SLC10A7: variants seen among roughly 807,000 people sequenced by gnomAD.
SLC10A7 encodes sodium/bile acid cotransporter 7.
In SLC10A7, 29 loss-of-function variants were observed where a neutral mutation model predicts 43.2. The ratio of observed to expected loss-of-function variants is 0.67; its 90% confidence interval spans 0.50 to 0.92. SLC10A7 has a LOEUF of 0.92. Ranked by LOEUF, SLC10A7 falls within the 40% of genes least tolerant of loss-of-function variation. The pLI is 0.00. For missense variants in SLC10A7, 295 were observed against 403.2 expected (o/e 0.73, Z 2.30); for synonymous variants, 152 against 144.8 (o/e 1.05, Z -0.35).
intron 4 of SLC10A7, among the ~76,000 whole-genome samples, chr4:146,485,893 A>T (rs1734870780): frequency 6.6e-6 from 1 of 152,182 alleles, no homozygotes; most frequent in Admixed American, 6.5e-5. Context: ...AAAGGAGGGA[A>T]AAGGCAGGAA....
At chr4:146,293,829 A>T in intron 8 of SLC10A7, 101 bp downstream of exon 8, 1 of 678,828 alleles carries the variant, frequency 1.5e-6, no homozygotes, top group Non-Finnish European at 2.3e-6. Flanking sequence ...ATTCATTTCT[A>T]GTCAAATTAA....
rs536928428 is a variant in SLC10A7 at position 146,361,435 on chromosome 4, G to T, written c.436-35439C>A. ...ATGTAGAAAGTGACCGACTTGCCTG[G>T]TAATCCAGGAAATTCTCCCTTATTT... is the stretch of plus-strand genomic sequence containing the variant. On this transcript the variant is annotated intron_variant, in intron 5 of 11. Coordinates refer to ENST00000335472, the MANE Select transcript of SLC10A7 (RefSeq NM_001029998.6). 2.7e-3 allele frequency among the ~76,000 whole-genome samples: 408 copies of T among 152,234 alleles called. 1 individual carries two copies. The highest frequency in any genetic ancestry group is 9.2e-3 in the African/African-American group (383 of 41,540).
At chr4:146,521,147 A>G (rs1738597042) in intron 1 of SLC10A7, among the ~76,000 whole-genome samples, 1 of 151,670 alleles carries the variant, frequency 6.6e-6, no homozygotes, top group Non-Finnish European at 1.5e-5. Context: ...TCACTCTCCA[A>G]CATGTGGGCC....
chr4:146,435,720 A>G (rs1730156799), intron 5 of SLC10A7, among the ~76,000 whole-genome samples: 1 of 152,172 alleles, frequency 6.6e-6, no homozygotes, highest in African/African-American at 2.4e-5. Context: ...AGCATCTCCT[A>G]CTAAAGACCA....
chr4:146,340,338 A>G (rs565336522), intron 5 of SLC10A7, among the ~76,000 whole-genome samples: 1 of 151,946 alleles, frequency 6.6e-6, no homozygotes, highest in Non-Finnish European at 1.5e-5. Context: ...TAAAAAGTTC[A>G]ACAACTAATA....
chr4:146,291,665 C>T (rs1730451815), intron 9 of SLC10A7, among the ~76,000 whole-genome samples: 2 of 152,122 alleles, frequency 1.3e-5, no homozygotes, highest in South Asian at 4.2e-4. Context: ...TCCACATTTG[C>T]ATTATTGCTT....
intron 4 of SLC10A7, among the ~76,000 whole-genome samples, chr4:146,477,587 A>T (rs947957316): frequency 1.3e-5 from 2 of 152,226 alleles, no homozygotes; most frequent in African/African-American, 4.8e-5. Context: ...TCATAAAAGC[A>T]AACAGGTAAA....
rs114724346 is a variant in SLC10A7, at chr4:146,294,378, C to T, written c.556-283G>A. Among the ~76,000 whole-genome samples the T allele has an allele frequency of 6.6e-3, 1,011 of 152,292 alleles. 11 individuals carry two copies. The highest frequency in any genetic ancestry group is 0.024 in the African/African-American group (980 of 41,560). On this transcript the variant is annotated intron_variant, in intron 7 of 11. Coordinates refer to ENST00000335472, the MANE Select transcript of SLC10A7 (RefSeq NM_001029998.6). Reference sequence around the variant, plus strand: ...TGCTCTTTGCTAGCTGTCACTGAGACATGCCCATTAAACCTCCCCAAAGTT... The same window carrying T: ...TGCTCTTTGCTAGCTGTCACTGAGATATGCCCATTAAACCTCCCCAAAGTT...
intron 4 of SLC10A7, among the ~76,000 whole-genome samples, chr4:146,450,712 G>A (rs531522167): frequency 3.3e-5 from 5 of 152,254 alleles, no homozygotes; most frequent in Middle Eastern, 3.4e-3. Flanking sequence ...AAAGGTGGGT[G>A]TAAGGACTGA....
intron 4 of SLC10A7, among the ~76,000 whole-genome samples, chr4:146,446,623 C>T (rs1003477425): frequency 7.3e-5 from 11 of 151,486 alleles, no homozygotes; most frequent in African/African-American, 2.7e-4. Flanking sequence ...ACATGCCTCT[C>T]TCCGCTGGTC....
intron 2 of SLC10A7, among the ~76,000 whole-genome samples, chr4:146,511,514 G>A (rs1427341789): frequency 6.6e-6 from 1 of 152,198 alleles, no homozygotes; most frequent in African/African-American, 2.4e-5. Context: ...TTAATCAACA[G>A]TACGTTAATG....
chr4:146,350,236 G>A (rs1734953614), intron 5 of SLC10A7, among the ~76,000 whole-genome samples: 1 of 151,266 alleles, frequency 6.6e-6, no homozygotes, highest in Non-Finnish European at 1.5e-5. Context: ...CAAGGGGTCA[G>A]GGAGTTCCCT....
At chr4:146,404,191 T>C (rs556339649) in intron 5 of SLC10A7, among the ~76,000 whole-genome samples, 1 of 152,258 alleles carries the variant, frequency 6.6e-6, no homozygotes, top group East Asian at 1.9e-4. Context: ...ATTTTGTTTT[T>C]AATTTTTTTG....
chr4:146,395,630 A>G (rs1412560863), intron 5 of SLC10A7, among the ~76,000 whole-genome samples: 1 of 152,224 alleles, frequency 6.6e-6, no homozygotes, highest in Non-Finnish European at 1.5e-5. Flanking sequence ...AGGTGCTGAC[A>G]CATATATTTG....
intron 5 of SLC10A7, among the ~76,000 whole-genome samples, chr4:146,362,513 A>G (rs2149765695): frequency 6.6e-6 from 1 of 152,298 alleles, no homozygotes; most frequent in African/African-American, 2.4e-5. Flanking sequence ...ATTATCTTTC[A>G]AACATGAAGA....
intron 5 of SLC10A7, among the ~76,000 whole-genome samples, chr4:146,359,739 G>C (rs1328666667): frequency 6.6e-6 from 1 of 152,120 alleles, no homozygotes; most frequent in East Asian, 1.9e-4. Flanking sequence ...AGGCACTCCT[G>C]ATTTAACAGC....
intron 5 of SLC10A7, among the ~76,000 whole-genome samples, chr4:146,409,319 T>C (rs548656209): frequency 1.0e-4 from 14 of 138,352 alleles, no homozygotes; most frequent in South Asian, 2.6e-4. Context: ...AAAAATGCTA[T>C]TGAATATGGC....
At chr4:146,474,646 A>C (rs1417638631) in intron 4 of SLC10A7, among the ~76,000 whole-genome samples, 1 of 152,188 alleles carries the variant, frequency 6.6e-6, no homozygotes, top group Admixed American at 6.5e-5. Context: ...AAAGAAGGCA[A>C]TAAGGACAGA....
At chr4:146,361,967 C>A (rs1382782123) in intron 5 of SLC10A7, among the ~76,000 whole-genome samples, 1 of 152,034 alleles carries the variant, frequency 6.6e-6, no homozygotes, top group Non-Finnish European at 1.5e-5. Context: ...GTATCAGTCT[C>A]TCAACAGCAG....
Sources: allele counts gnomAD v4.1 joint callset (sites outside exome capture counted in the v4.1 genomes callset), GRCh38; gene constraint gnomAD v4.1.1; transcripts MANE v1.5; gene names NCBI Gene and HGNC (gene_info 2026-07-23, HGNC 2026-07-21).